Variants in GRM7 observed in about 807,000 individuals in gnomAD.
GRM7 encodes the protein glutamate metabotropic receptor 7.
A neutral mutation model predicts 84.5 loss-of-function variants in GRM7; 35 were observed. The ratio of observed to expected loss-of-function variants is 0.41; its 90% CI spans 0.32 to 0.55. The LOEUF (loss-of-function observed/expected upper bound fraction) is 0.55, where lower values mean the gene tolerates loss of function less well. Ranked by LOEUF, GRM7 falls within the 20% of genes least tolerant of loss-of-function variation. The pLI, the probability that GRM7 is intolerant of heterozygous loss-of-function variation, is 0.19. For missense variants in GRM7, 1,003 were observed against 1,194.6 expected (o/e 0.84, Z 2.36); for synonymous variants, 487 against 455.1 (o/e 1.07, Z -0.89).
chr3:7,267,993 T>G (rs559278095), intron 2 of GRM7, among the ~76,000 whole-genome samples: 1 of 152,256 alleles, frequency 6.6e-6, no homozygotes, highest in Non-Finnish European at 1.5e-5. Context: ...CGCACCTTGC[T>G]GCTCTGCACT....
At chr3:7,103,754 CTTTCTTT>C in intron 1 of GRM7, among the ~76,000 whole-genome samples, 1 of 13,718 alleles carries the variant, frequency 7.3e-5, no homozygotes, top group African/African-American at 4.2e-4. Flanking sequence ...CTCTCCCTTT[CTTTCTTT>C]CTTTCTTTCT....
chr3:7,564,213 A>T (rs1373333271), intron 7 of GRM7, among the ~76,000 whole-genome samples: 2 of 152,202 alleles, frequency 1.3e-5, no homozygotes, highest in Admixed American at 1.3e-4. Flanking sequence ...CTGTATTGTC[A>T]CTAATAATTG....
chr3:7,602,586 G>T (rs1159997279), intron 8 of GRM7, among the ~76,000 whole-genome samples: 2 of 152,136 alleles, frequency 1.3e-5, no homozygotes. Flanking sequence ...CAGCATCAGC[G>T]ACTACTTGGG....
chr3:7,083,376 G>T (rs888475527), intron 1 of GRM7, among the ~76,000 whole-genome samples: 2 of 152,104 alleles, frequency 1.3e-5, no homozygotes, highest in African/African-American at 2.4e-5. Context: ...TAGTACTATT[G>T]CACACTTAAT....
chr3:7,522,688 AG>A (rs1384666791), intron 7 of GRM7, among the ~76,000 whole-genome samples: 1 of 152,218 alleles, frequency 6.6e-6, no homozygotes, highest in African/African-American at 2.4e-5. Context: ...GAAAGAATTA[AG>A]TAACATGTCA....
chr3:7,030,269 G>A (rs73112811), intron 1 of GRM7, among the ~76,000 whole-genome samples: 9,704 of 152,188 alleles, frequency 0.064, 1,003 homozygotes, highest in African/African-American at 0.22. Flanking sequence ...AAAGCAGTTC[G>A]ATGGTGGCTT....
chr3:7,604,544 T>C (rs1433162074), intron 8 of GRM7, among the ~76,000 whole-genome samples: 1 of 152,152 alleles, frequency 6.6e-6, no homozygotes, highest in Non-Finnish European at 1.5e-5. Flanking sequence ...ATACCCATAA[T>C]GCTCAGACCC....
At chr3:7,654,216 A>ATAAG (rs1470112565) in intron 8 of GRM7, among the ~76,000 whole-genome samples, 1 of 152,206 alleles carries the variant, frequency 6.6e-6, no homozygotes, top group African/African-American at 2.4e-5. Context: ...GGGTTCATAA[A>ATAAG]TAAGTTGCAA....
At chr3:6,950,512 C>A (rs955259480) in intron 1 of GRM7, among the ~76,000 whole-genome samples, 1 of 152,198 alleles carries the variant, frequency 6.6e-6, no homozygotes, top group Non-Finnish European at 1.5e-5. Context: ...CAGGGACCCG[C>A]TTGAGGAGCC....
In GRM7 at chr3:7,607,523, T is replaced by C. The variant is rs377634334; in HGVS notation, c.2451+28166T>C. On this transcript the variant is annotated intron_variant, in intron 8 of 9. Coordinates refer to ENST00000357716, the MANE Select transcript of GRM7 (RefSeq NM_000844.4). ...ACTACTCTTGGCCTTGGAAAAAACA[T>C]GGAAATATATATAGTTTCATTTTTT... is the stretch of plus-strand genomic sequence containing the variant. 1.2e-3 allele frequency: 180 copies of C among 151,606 alleles called. 1 individual carries two copies. Among genetic ancestry groups the C allele is most frequent in the African/African-American group, 4.0e-3 (165 of 41,452 alleles). The allele number at this position is 151,606 out of a possible 1,614,324, so 9.4% of individuals were successfully genotyped here.
At chr3:7,475,319 G>A (rs911249280) in intron 7 of GRM7, among the ~76,000 whole-genome samples, 7 of 152,162 alleles carry the variant, frequency 4.6e-5, no homozygotes, top group East Asian at 1.9e-4. Context: ...CTCTGAAAGC[G>A]AGCTTTAACA....
At chr3:6,960,577 T>G (rs1356732912) in intron 1 of GRM7, among the ~76,000 whole-genome samples, 3 of 152,170 alleles carry the variant, frequency 2.0e-5, no homozygotes, top group Admixed American at 6.5e-5. Flanking sequence ...ACCCGTTATA[T>G]CCCTTAACTA....
At chr3:7,104,280 AG>A (rs759880350) in intron 1 of GRM7, among the ~76,000 whole-genome samples, 19 of 151,788 alleles carry the variant, frequency 1.3e-4, no homozygotes, top group Admixed American at 9.9e-4. Flanking sequence ...AAGACCAAAA[AG>A]GTTGACCTCT....
chr3:7,628,167 C>G (rs1015315522), intron 8 of GRM7, among the ~76,000 whole-genome samples: 2 of 152,092 alleles, frequency 1.3e-5, no homozygotes, highest in Non-Finnish European at 2.9e-5. Flanking sequence ...TTAGAGTCTT[C>G]TTCTCTTCCA....
At chr3:7,322,085 G>A (rs991351693) in intron 4 of GRM7, among the ~76,000 whole-genome samples, 1 of 151,914 alleles carries the variant, frequency 6.6e-6, no homozygotes, top group African/African-American at 2.4e-5. Flanking sequence ...AATATATGAA[G>A]TTTTTAATTA....
chr3:7,443,230 C>T (rs538036780), intron 5 of GRM7, among the ~76,000 whole-genome samples: 2 of 152,040 alleles, frequency 1.3e-5, no homozygotes, highest in Non-Finnish European at 2.9e-5. Context: ...TTACAGATAC[C>T]CTATACATAT....
At chr3:7,686,024 G>C (rs1007879178) in intron 9 of GRM7, among the ~76,000 whole-genome samples, 14 of 152,222 alleles carry the variant, frequency 9.2e-5, no homozygotes, top group Middle Eastern at 3.4e-3. Context: ...CAGCATGACT[G>C]GACTAGGGTG....
chr3:7,134,429 G>A (rs1285772849), intron 1 of GRM7, among the ~76,000 whole-genome samples: 1 of 150,736 alleles, frequency 6.6e-6, no homozygotes, highest in Non-Finnish European at 1.5e-5. Flanking sequence ...CATCATCATC[G>A]TCATCATCAT....
At chr3:7,389,611 C>A (rs9854368) in intron 4 of GRM7, among the ~76,000 whole-genome samples, 10,285 of 151,916 alleles carry the variant, frequency 0.068, 418 homozygotes, top group Non-Finnish European at 0.082. Context: ...TATTATAATA[C>A]CCTTCTTTGT....
Sources: allele counts gnomAD v4.1 joint callset (sites outside exome capture counted in the v4.1 genomes callset), GRCh38; gene constraint gnomAD v4.1.1; transcripts MANE v1.5; gene names NCBI Gene and HGNC (gene_info 2026-07-23, HGNC 2026-07-21).